Variants in ESR2 observed in about 807,000 individuals in gnomAD.
The protein encoded by ESR2 is estrogen receptor beta.
ESR2 carries 36 observed loss-of-function variants against 49.6 expected under a neutral mutation model. The ratio of observed to expected loss-of-function variants is 0.73; its 90% CI spans 0.56 to 0.96. ESR2 has a LOEUF of 0.96. Among genes scored for constraint, ESR2 ranks in the 40% least tolerant of loss-of-function variants. The probability of loss-of-function intolerance (pLI) is 0.00; values close to 1 mark genes in which losing one functional copy is unlikely to be tolerated. For synonymous variants in ESR2, 320 were observed against 266.1 expected (o/e 1.20, Z -1.97); for missense variants, 714 against 693.0 (o/e 1.03, Z -0.34).
chr14:64,271,537 G>C (rs28499370), intron 3 of ESR2, among the ~76,000 whole-genome samples: 14,591 of 152,146 alleles, frequency 0.096, 1,578 homozygotes, highest in African/African-American at 0.26. Context: ...TGTTGCCCAA[G>C]CTGGTCTCGA....
intron 3 of ESR2, among the ~76,000 whole-genome samples, chr14:64,276,628 CTT>C (rs2076563245): frequency 6.6e-6 from 1 of 152,100 alleles, no homozygotes; most frequent in African/African-American, 2.4e-5. Context: ...TCCAGAGAAA[CTT>C]ATTTTTTTCA....
chr14:64,287,569 T>A (rs1352217919), intron 1 of ESR2, among the ~76,000 whole-genome samples: 1 of 152,208 alleles, frequency 6.6e-6, no homozygotes. Context: ...AGTGGCATCT[T>A]GAATAGTTAG....
chr14:64,292,415 C>T (rs2076887683), intron 1 of ESR2, among the ~76,000 whole-genome samples: 1 of 152,104 alleles, frequency 6.6e-6, no homozygotes, highest in Non-Finnish European at 1.5e-5. Context: ...GTGCATCTGT[C>T]AGAATTCATA....
At chr14:64,330,079 T>A (rs2077437616) in intron 1 of ESR2, 1 of 151,452 alleles carries the variant, frequency 6.6e-6, no homozygotes, top group South Asian at 2.1e-4. Context: ...CCTGCCACAT[T>A]GCACTCCTTT....
At chr14:64,309,120 T>C (rs1395720757) in intron 1 of ESR2, among the ~76,000 whole-genome samples, 2 of 152,142 alleles carry the variant, frequency 1.3e-5, no homozygotes, top group Non-Finnish European at 2.9e-5. Context: ...CAGTAAACGG[T>C]AGCTATTATT....
chr14:64,290,900 G>A (rs569946921), intron 1 of ESR2, among the ~76,000 whole-genome samples: 6 of 152,128 alleles, frequency 3.9e-5, no homozygotes, highest in South Asian at 2.1e-4. Context: ...ACCAATTGGC[G>A]CTTATTTAGT....
intron 1 of ESR2, among the ~76,000 whole-genome samples, chr14:64,290,393 C>CTTATTTAT (rs35006597): frequency 5.3e-5 from 8 of 150,796 alleles, no homozygotes; most frequent in African/African-American, 1.5e-4. Context: ...TAAATGTATT[C>CTTATTTAT]TTATTTATTT....
intron 1 of ESR2, among the ~76,000 whole-genome samples, chr14:64,293,816 G>A (rs1020066489): frequency 3.9e-5 from 6 of 152,206 alleles, no homozygotes; most frequent in Non-Finnish European, 8.8e-5. Flanking sequence ...TCAACCCAGA[G>A]CTCACGGCAC....
intron 1 of ESR2, among the ~76,000 whole-genome samples, chr14:64,327,913 A>G (rs2077409013): frequency 6.6e-6 from 1 of 151,698 alleles, no homozygotes; most frequent in South Asian, 2.1e-4. Context: ...TATAGTCAAA[A>G]TATATTTCTA....
At chr14:64,278,935 C>A (rs1186023767) in intron 3 of ESR2, among the ~76,000 whole-genome samples, 7 of 152,194 alleles carry the variant, frequency 4.6e-5, no homozygotes, top group African/African-American at 1.7e-4. Flanking sequence ...CCCTCCCTCC[C>A]CTTTTGGAAT....
intron 6 of ESR2, among the ~76,000 whole-genome samples, chr14:64,250,730 G>A (rs1476683427): frequency 6.6e-6 from 1 of 152,138 alleles, no homozygotes; most frequent in Non-Finnish European, 1.5e-5. Context: ...CCCGAACTCA[G>A]GGCATTTCCA....
At chr14:64,291,744 C>T (rs1350345156) in intron 1 of ESR2, among the ~76,000 whole-genome samples, 6 of 152,126 alleles carry the variant, frequency 3.9e-5, no homozygotes, top group Non-Finnish European at 5.9e-5. Context: ...ACCTAAGCCC[C>T]TATGAAGATA....
Position 64,234,981 on chromosome 14 carries a change from G to A in ESR2, c.1395C>T (p.Val465=). ...LANLLMLLSH[V]RHASNKGMEH... ...CTTAGGGCGCGTACCTCGCATGCCTGACGTGGGACAGGAGCATCAGGAGGT... is the reference window on the plus strand; with the variant it reads ...CTTAGGGCGCGTACCTCGCATGCCTAACGTGGGACAGGAGCATCAGGAGGT... Residue 465 remains valine, a synonymous_variant, in exon 8 of 9, where the codon GTC becomes GTT. Coordinates refer to ENST00000341099, the MANE Select transcript of ESR2 (RefSeq NM_001437.3). The A allele has an allele frequency of 6.2e-7, 1 of 1,614,130 alleles. No individual in the cohort carries two copies. The highest frequency in any genetic ancestry group is 8.5e-7 in the Non-Finnish European group (1 of 1,179,982).
In ESR2 at chr14:64,229,157, T is replaced by A. The variant is rs2098724965; in HGVS notation, c.*3980A>T. On this transcript the variant is annotated 3_prime_UTR_variant, in exon 9 of 9. Coordinates refer to ENST00000341099, the MANE Select transcript of ESR2 (RefSeq NM_001437.3). ...ATGCATCTTATTTTTCCATCTGTCA[T>A]TGCTGCTGTTGTGTAAAGGCTCATG... 6.6e-6 allele frequency among the ~76,000 whole-genome samples: 1 copy of A among 152,152 alleles called. No homozygotes were observed. Among genetic ancestry groups the A allele is most frequent in the African/African-American group, 2.4e-5 (1 of 41,438 alleles).
chr14:64,241,743 C>A (rs944685537), intron 7 of ESR2, among the ~76,000 whole-genome samples: 1 of 152,156 alleles, frequency 6.6e-6, no homozygotes, highest in Non-Finnish European at 1.5e-5. Context: ...CACAGAAATA[C>A]AATTGATTTA....
At chr14:64,296,041 C>T (rs1254491123), upstream of ESR2, among the ~76,000 whole-genome samples, 83 of 65,224 alleles carry the variant, frequency 1.3e-3, no homozygotes, top group Non-Finnish European at 1.8e-3. Context: ...GAGACTCTGT[C>T]TCAAAAAAAA....
intron 1 of ESR2, among the ~76,000 whole-genome samples, chr14:64,310,473 C>CTT: frequency 7.4e-6 from 1 of 135,652 alleles, no homozygotes; most frequent in African/African-American, 2.7e-5. Context: ...TGCCGGAGAA[C>CTT]TTTTTTTTTT....
downstream of ESR2, chr14:64,227,687 T>C: frequency 6.2e-7 from 1 of 1,605,714 alleles, no homozygotes; most frequent in Non-Finnish European, 8.5e-7. Flanking sequence ...AGCTTAATAT[T>C]GTGCATGTCA....
chr14:64,333,634 C>T (rs937086672), intron 1 of ESR2, among the ~76,000 whole-genome samples: 1 of 152,150 alleles, frequency 6.6e-6, no homozygotes, highest in African/African-American at 2.4e-5. Flanking sequence ...TACATGGCAA[C>T]AGGCAAGGTA....
Sources: gnomAD v4.1 joint callset for allele counts (sites outside exome capture counted in the v4.1 genomes callset) on GRCh38, gnomAD v4.1.1 for gene constraint, MANE v1.5 for transcripts, NCBI Gene and HGNC (gene_info 2026-07-23, HGNC 2026-07-21) for gene names.